CYRIA: variants seen among roughly 807,000 people sequenced by gnomAD.
The protein encoded by CYRIA is CYFIP-related Rac1 interactor A.
In CYRIA, 15 loss-of-function variants were observed where a neutral mutation model predicts 43.9. That is an observed-to-expected ratio of 0.34 (90% CI 0.23 to 0.53). CYRIA has a LOEUF of 0.53. Among genes scored for constraint, CYRIA ranks in the 20% least tolerant of loss-of-function variants. CYRIA has a pLI of 0.94. For synonymous variants in CYRIA, 117 were observed against 136.0 expected (o/e 0.86, Z 0.97); for missense variants, 236 against 394.2 (o/e 0.60, Z 3.40).
At chr2:16,561,369 A>G in intron 7 of CYRIA, 87 bp downstream of exon 7, 2 of 1,478,542 alleles carry the variant, frequency 1.4e-6, no homozygotes, top group Non-Finnish European at 1.9e-6. Context: ...AGACAAGGAC[A>G]TTGTCTTCTG....
At chr2:16,561,968 C>T in intron 6 of CYRIA, 37 bp downstream of exon 6, 1 of 1,593,470 alleles carries the variant, frequency 6.3e-7, no homozygotes, top group Non-Finnish European at 8.5e-7. Flanking sequence ...GTACTCAGTA[C>T]AAGTTTATTA....
intron 2 of CYRIA, among the ~76,000 whole-genome samples, chr2:16,591,328 G>A (rs1440616482): frequency 6.6e-6 from 1 of 152,096 alleles, no homozygotes; most frequent in Non-Finnish European, 1.5e-5. Flanking sequence ...GTTGGAGATG[G>A]CTTATCGTCT....
intron 2 of CYRIA, among the ~76,000 whole-genome samples, chr2:16,599,887 G>GTGC (rs1193727017): frequency 1.3e-5 from 2 of 152,110 alleles, no homozygotes; most frequent in African/African-American, 4.8e-5. Context: ...TTCCCAAGAA[G>GTGC]CTGGGATTAC....
Position 16,559,561 on chromosome 2 carries a change from C to T in CYRIA, c.736G>A (p.Glu246Lys). The T allele has an allele frequency of 1.2e-6, 2 of 1,613,004 alleles. No homozygotes were observed. Among genetic ancestry groups the T allele is most frequent in the African/African-American group, 1.3e-5 (1 of 74,968 alleles). The change falls in exon 10 of 12, where the codon GAA (glutamate) becomes AAA (lysine). Residue 246 changes from glutamate (E) to lysine (K), a missense_variant. This residue lies in a region of CYRIA where 193 missense variants were observed against 303.9 expected (regional missense o/e 0.64). Coordinates refer to ENST00000381323, the MANE Select transcript of CYRIA (RefSeq NM_030797.4). Reference protein sequence around the residue: ...TPEYRSRFTSEETLMFCMRVM... With the variant: ...TPEYRSRFTSKETLMFCMRVM... Reference sequence around the variant, plus strand: ...CTCATGCAGAACATCAGGGTCTCTTCACTCGTAAACCTACTTCTGTACTCC... The same window carrying T: ...CTCATGCAGAACATCAGGGTCTCTTTACTCGTAAACCTACTTCTGTACTCC...
chr2:16,552,707 G>A lies in CYRIA; in HGVS notation c.*229C>T, dbSNP rs28490426. ...GCAAAGATCAAAGTCTCCGAATTTT[G>A]CCTTTGGAGAAGGGGGTTTCATTTC... On this transcript the variant is annotated 3_prime_UTR_variant, in exon 12 of 12. Coordinates refer to ENST00000381323, the MANE Select transcript of CYRIA (RefSeq NM_030797.4). 1.7e-3 allele frequency: 784 copies of A among 474,928 alleles called. 9 individuals carry two copies. Among genetic ancestry groups the A allele is most frequent in the African/African-American group, 0.014 (712 of 50,172 alleles). 29.4% of individuals were successfully genotyped at this position (474,928 alleles called of 1,614,324 possible). A position where few individuals can be genotyped will look rare whatever the true frequency, so the allele number is the denominator to read the frequency against.
intron 3 of CYRIA, among the ~76,000 whole-genome samples, chr2:16,576,561 G>A (rs969157331): frequency 6.6e-6 from 1 of 152,096 alleles, no homozygotes; most frequent in East Asian, 1.9e-4. Context: ...GATCAAATTA[G>A]TTATTCTCTC....
intron 3 of CYRIA, among the ~76,000 whole-genome samples, chr2:16,568,227 GA>G (rs71400699): frequency 0.28 from 24,707 of 88,884 alleles, 1,989 homozygotes; most frequent in Admixed American, 0.35. Context: ...TTCAAAATCA[GA>G]AAAAAAAAAA....
chr2:16,661,481 A>C (rs928421180), intron 1 of CYRIA, among the ~76,000 whole-genome samples: 1 of 152,214 alleles, frequency 6.6e-6, no homozygotes, highest in African/African-American at 2.4e-5. Flanking sequence ...ATTCTTGTGC[A>C]AAGGAAGCTA....
chr2:16,568,103 T>A (rs1667006352), intron 3 of CYRIA, among the ~76,000 whole-genome samples: 1 of 152,084 alleles, frequency 6.6e-6, no homozygotes, highest in Admixed American at 6.5e-5. Context: ...TGCTCCAACA[T>A]CTGAAATGTT....
chr2:16,633,513 G>C (rs1669392445), intron 1 of CYRIA, among the ~76,000 whole-genome samples: 1 of 147,616 alleles, frequency 6.8e-6, no homozygotes, highest in Non-Finnish European at 1.5e-5. Flanking sequence ...TCGAATAGTT[G>C]GGATTACAAG....
intron 1 of CYRIA, among the ~76,000 whole-genome samples, chr2:16,629,845 A>G (rs1043174267): frequency 6.7e-6 from 1 of 148,816 alleles, no homozygotes; most frequent in African/African-American, 2.4e-5. Flanking sequence ...AGCTGTGATT[A>G]TGACTATATG....
intron 2 of CYRIA, among the ~76,000 whole-genome samples, chr2:16,600,652 C>A (rs1668174065): frequency 6.6e-6 from 1 of 152,038 alleles, no homozygotes. Context: ...TAGTATGTCC[C>A]CGCTACATAT....
chr2:16,608,794 T>C (rs1331190956), intron 2 of CYRIA, among the ~76,000 whole-genome samples: 1 of 152,196 alleles, frequency 6.6e-6, no homozygotes, highest in East Asian at 1.9e-4. Flanking sequence ...AAACAAGTCA[T>C]TGCCCTTTTA....
At chr2:16,647,430 T>C (rs1669850029) in intron 1 of CYRIA, among the ~76,000 whole-genome samples, 1 of 152,216 alleles carries the variant, frequency 6.6e-6, no homozygotes, top group African/African-American at 2.4e-5. Flanking sequence ...TGATTGATTA[T>C]ACGCAAGAAT....
In CYRIA at chr2:16,650,371, G is replaced by C. The variant is rs115084320; in HGVS notation, c.-167+15409C>G. On this transcript the variant is annotated intron_variant, in intron 1 of 11. Coordinates refer to ENST00000381323, the MANE Select transcript of CYRIA (RefSeq NM_030797.4). This position sits in a 1 kb window ranked among gnomAD's most constrained non-coding sequence, Gnocchi z 4.1. ...ATATACTCAGCTGAATGAGTATATA[G>C]TATAAAACAAGACTGACTCACTTCA... Among the ~76,000 whole-genome samples, 1 of 152,300 alleles carries C rather than the reference G, an allele frequency of 6.6e-6. No homozygotes were observed. The highest frequency in any genetic ancestry group is 1.9e-4 in the East Asian group (1 of 5,182).
chr2:16,656,815 G>C (rs953980178), intron 1 of CYRIA, among the ~76,000 whole-genome samples: 8 of 152,250 alleles, frequency 5.3e-5, no homozygotes, highest in African/African-American at 1.9e-4. Flanking sequence ...GCCATGCTTG[G>C]TCAAGCAGCC....
chr2:16,649,280 A>G (rs1040900814), intron 1 of CYRIA, among the ~76,000 whole-genome samples: 2 of 152,112 alleles, frequency 1.3e-5, no homozygotes, highest in African/African-American at 4.8e-5. Context: ...ATATCTTGGG[A>G]GAGGGATGGT....
chr2:16,560,805 T>C (rs1666698669), intron 9 of CYRIA, 185 bp downstream of exon 9: 1 of 609,024 alleles, frequency 1.6e-6, no homozygotes, highest in Admixed American at 2.9e-5. Context: ...GGGCCTCAGC[T>C]TCTTCAGCTA....
At chr2:16,632,216 G>T (rs1669347059) in intron 1 of CYRIA, among the ~76,000 whole-genome samples, 1 of 152,184 alleles carries the variant, frequency 6.6e-6, no homozygotes, top group Admixed American at 6.5e-5. Context: ...GACTCTCAAT[G>T]CCTGGAAGTG....
Sources: allele counts gnomAD v4.1 joint callset (sites outside exome capture counted in the v4.1 genomes callset), GRCh38; gene constraint gnomAD v4.1.1; regional missense constraint gnomAD v4.1.1; non-coding constraint Gnocchi (gnomAD v3.1); transcripts MANE v1.5; gene names NCBI Gene and HGNC (gene_info 2026-07-23, HGNC 2026-07-21).